The following ATG10 variants were observed in gnomAD, a reference collection of about 807,000 sequenced individuals.
ATG10 encodes ubiquitin-like-conjugating enzyme ATG10.
A neutral mutation model predicts 32.1 loss-of-function variants in ATG10; 30 were observed. The ratio of observed to expected loss-of-function variants is 0.94; its 90% confidence interval spans 0.70 to 1.27. ATG10 has a LOEUF of 1.27. Among genes scored for constraint, ATG10 ranks in the 50% most tolerant of loss-of-function variants. The probability of loss-of-function intolerance (pLI) is 0.00; values close to 1 mark genes in which losing one functional copy is unlikely to be tolerated. For missense variants in ATG10, 233 were observed against 262.3 expected (o/e 0.89, Z 0.77); for synonymous variants, 87 against 91.5 (o/e 0.95, Z 0.28).
intron 2 of ATG10, among the ~76,000 whole-genome samples, chr5:82,049,712 AAG>A (rs1486575717): frequency 6.6e-6 from 1 of 152,212 alleles, no homozygotes; most frequent in Non-Finnish European, 1.5e-5. Context: ...TAACCTAAGA[AAG>A]AAGTATTGGC....
chr5:82,075,600 A>G (rs1764250755), intron 3 of ATG10, among the ~76,000 whole-genome samples: 1 of 152,172 alleles, frequency 6.6e-6, no homozygotes, highest in African/African-American at 2.4e-5. Context: ...CTTTGGAGTA[A>G]ATAAATTACA....
At chr5:82,091,206 C>T (rs1764870548) in intron 3 of ATG10, among the ~76,000 whole-genome samples, 1 of 152,114 alleles carries the variant, frequency 6.6e-6, no homozygotes, top group Non-Finnish European at 1.5e-5. Flanking sequence ...TAGGAGTCAG[C>T]TCTGTTCTGC....
At chr5:82,012,666 T>C (rs117060667) in intron 2 of ATG10, among the ~76,000 whole-genome samples, 2 of 151,074 alleles carry the variant, frequency 1.3e-5, no homozygotes, top group East Asian at 3.9e-4. Flanking sequence ...GTTTTTACTG[T>C]TTTTTTTTGA....
At chr5:82,133,429 G>A (rs1766619129) in intron 3 of ATG10, among the ~76,000 whole-genome samples, 1 of 152,090 alleles carries the variant, frequency 6.6e-6, no homozygotes, top group African/African-American at 2.4e-5. Context: ...TCCAGTTTCA[G>A]TTTTCTGCAT....
intron 1 of ATG10, among the ~76,000 whole-genome samples, chr5:81,982,670 G>T (rs1270527851): frequency 1.3e-5 from 2 of 152,058 alleles, no homozygotes; most frequent in African/African-American, 2.4e-5. Context: ...ATAAACAAGT[G>T]AACAAAGGTC....
At chr5:82,162,898 A>G (rs1743419142) in intron 3 of ATG10, among the ~76,000 whole-genome samples, 1 of 152,100 alleles carries the variant, frequency 6.6e-6, no homozygotes, top group African/African-American at 2.4e-5. Context: ...CCAAAAATCA[A>G]AAAGTCTAAA....
At chr5:82,143,094 T>TAA (rs1189485192) in intron 3 of ATG10, among the ~76,000 whole-genome samples, 2 of 152,142 alleles carry the variant, frequency 1.3e-5, no homozygotes, top group African/African-American at 4.8e-5. Context: ...GAGTGGTTGT[T>TAA]AGAGTCATAG....
intron 1 of ATG10, among the ~76,000 whole-genome samples, chr5:81,982,967 A>G (rs1360896702): frequency 6.6e-6 from 1 of 152,232 alleles, no homozygotes; most frequent in African/African-American, 2.4e-5. Context: ...CTACACAGAC[A>G]CGGCAACCAT....
chr5:82,152,394 C>T (rs916832270), intron 3 of ATG10, among the ~76,000 whole-genome samples: 6 of 152,230 alleles, frequency 3.9e-5, no homozygotes, highest in Admixed American at 2.0e-4. Flanking sequence ...GACTCTGAAG[C>T]GTGGAGTCCT....
intron 5 of ATG10, among the ~76,000 whole-genome samples, chr5:82,234,990 G>A (rs999320031): frequency 8.6e-5 from 13 of 152,004 alleles, no homozygotes; most frequent in Admixed American, 4.6e-4. Flanking sequence ...CTTTAATTAC[G>A]CCCATCAGTT....
At chr5:81,992,789 T>C (rs1761500872) in intron 2 of ATG10, among the ~76,000 whole-genome samples, 1 of 152,182 alleles carries the variant, frequency 6.6e-6, no homozygotes, top group South Asian at 2.1e-4. Context: ...GTGTAAAACA[T>C]TACTTTTCAG....
At chr5:82,187,079 G>A (rs550305139) in intron 5 of ATG10, among the ~76,000 whole-genome samples, 1 of 151,560 alleles carries the variant, frequency 6.6e-6, no homozygotes, top group South Asian at 2.1e-4. Flanking sequence ...AGGCCGAGGT[G>A]GGAGGATTGC....
rs139740258 is a variant in ATG10, at chr5:82,164,459, G to A, written c.277G>A (p.Val93Met). ...GATTGAAACTGCAGCAGCGTCCGAAGTGATTAAATATGAGTATCATGTCTT... is the reference window on the plus strand; with the variant it reads ...GATTGAAACTGCAGCAGCGTCCGAAATGATTAAATATGAGTATCATGTCTT... Reference protein sequence around the residue: ...EVIETAAASEVIKYEYHVLYS... With the variant: ...EVIETAAASEMIKYEYHVLYS... Residue 93 changes from valine (V) to methionine (M), a missense_variant, in exon 4 of 8, where the codon GTG becomes ATG. Val to Met is a conservative substitution (Grantham distance 21). Coordinates refer to ENST00000282185, the MANE Select transcript of ATG10 (RefSeq NM_031482.5). 73 of 1,613,698 alleles carry A rather than the reference G, an allele frequency of 4.5e-5. No individual in the cohort carries two copies. The highest frequency in any genetic ancestry group is 5.8e-5 in the Non-Finnish European group (68 of 1,179,778).
intron 2 of ATG10, among the ~76,000 whole-genome samples, chr5:82,006,929 C>G (rs946964028): frequency 6.6e-6 from 1 of 152,200 alleles, no homozygotes; most frequent in East Asian, 1.9e-4. Flanking sequence ...TCTCGGCTCA[C>G]TGCAACCTCT....
chr5:82,113,322 A>G (rs181089214), intron 3 of ATG10, among the ~76,000 whole-genome samples: 2 of 152,138 alleles, frequency 1.3e-5, no homozygotes, highest in Admixed American at 6.6e-5. Context: ...TAATGAGTCA[A>G]TGCTAAGAAG....
chr5:82,209,160 TA>T (rs1482709704), intron 5 of ATG10, among the ~76,000 whole-genome samples: 6 of 152,170 alleles, frequency 3.9e-5, no homozygotes, highest in Non-Finnish European at 8.8e-5. Flanking sequence ...AGATTTTTAA[TA>T]AAAAACTTGA....
At chr5:82,069,054 A>G (rs1419060587) in intron 3 of ATG10, among the ~76,000 whole-genome samples, 1 of 151,972 alleles carries the variant, frequency 6.6e-6, no homozygotes, top group African/African-American at 2.4e-5. Context: ...AAATTATTTT[A>G]TTAAGTATAT....
intron 5 of ATG10, among the ~76,000 whole-genome samples, chr5:82,204,679 A>G (rs1745213394): frequency 6.6e-6 from 1 of 152,194 alleles, no homozygotes; most frequent in South Asian, 2.1e-4. Context: ...TGTGGAAATA[A>G]AGAATGATAC....
At chr5:82,057,682 T>C (rs1763647631) in intron 2 of ATG10, among the ~76,000 whole-genome samples, 2 of 152,156 alleles carry the variant, frequency 1.3e-5, no homozygotes, top group Non-Finnish European at 2.9e-5. Context: ...CATGACTTTA[T>C]TGAATTCAAA....
Sources: gnomAD v4.1 joint callset for allele counts (sites outside exome capture counted in the v4.1 genomes callset) on GRCh38, gnomAD v4.1.1 for gene constraint, MANE v1.5 for transcripts, NCBI Gene and HGNC (gene_info 2026-07-23, HGNC 2026-07-21) for gene names.